The following NR2C2 variants were observed in gnomAD, a reference collection of about 807,000 sequenced individuals.
NR2C2 encodes Nuclear hormone receptor TR4.
Under a neutral mutation model 62.9 loss-of-function variants are expected in NR2C2, and 6 were observed. The observed-to-expected ratio is 0.10, with a 90% CI of 0.05 to 0.19. NR2C2 has a LOEUF of 0.19. Ranked by LOEUF, NR2C2 falls within the 10% of genes least tolerant of loss-of-function variation. NR2C2 has a pLI of 1.00. For missense variants in NR2C2, 479 were observed against 762.7 expected (o/e 0.63, Z 4.38); for synonymous variants, 272 against 273.8 (o/e 0.99, Z 0.07).
chr3:15,020,985 A>G, intron 5 of NR2C2, 53 bp downstream of exon 5: 1 of 1,518,542 alleles, frequency 6.6e-7, no homozygotes, highest in Non-Finnish European at 9.1e-7. Context: ...GAGACAGTAA[A>G]TGAGTCCATT....
intron 1 of NR2C2, among the ~76,000 whole-genome samples, chr3:14,967,558 T>TA (rs980669818): frequency 2.6e-5 from 4 of 151,894 alleles, no homozygotes; most frequent in South Asian, 2.1e-4. Context: ...CATTTTTTTT[T>TA]AAAAAAAGGA....
chr3:15,000,452 A>G (rs745813406), intron 1 of NR2C2, among the ~76,000 whole-genome samples: 1 of 152,214 alleles, frequency 6.6e-6, no homozygotes, highest in African/African-American at 2.4e-5. Context: ...TAACTTGGCT[A>G]TTGCAAACAG....
intron 2 of NR2C2, among the ~76,000 whole-genome samples, chr3:15,009,306 C>CTCA (rs1330149180): frequency 6.6e-6 from 1 of 152,112 alleles, no homozygotes; most frequent in Non-Finnish European, 1.5e-5. Flanking sequence ...AGGATTGCGT[C>CTCA]TCATGAGTTA....
chr3:15,001,491 A>G (rs1398859366), intron 1 of NR2C2, among the ~76,000 whole-genome samples: 1 of 150,996 alleles, frequency 6.6e-6, no homozygotes, highest in Non-Finnish European at 1.5e-5. Context: ...CCGCCATCAT[A>G]CCCGGCTTAT....
intron 1 of NR2C2, among the ~76,000 whole-genome samples, chr3:14,955,095 T>A (rs1264051802): frequency 1.3e-5 from 2 of 152,244 alleles, no homozygotes; most frequent in African/African-American, 2.4e-5. Flanking sequence ...CCTCCTAAAG[T>A]GCTAGGATTA....
At chr3:15,025,016 C>T (rs2041784289) in intron 7 of NR2C2, among the ~76,000 whole-genome samples, 1 of 152,208 alleles carries the variant, frequency 6.6e-6, no homozygotes, top group Admixed American at 6.5e-5. Flanking sequence ...TGGAGAGCTG[C>T]CCTGCATGCC....
rs2230444 is a variant in NR2C2, at chr3:15,039,189, G to A, written c.1578G>A (p.Gln526=). The A allele has an allele frequency of 0.083, 134,097 of 1,613,676 alleles. 6,219 individuals carry two copies. The highest frequency in any genetic ancestry group is 0.094 in the Non-Finnish European group (111,179 of 1,179,654). ...KFQEKAQMEL[Q]DYVQKTYSED... The stretch of plus-strand genomic sequence containing the variant: ...AAGAAAAGGCACAGATGGAGTTGCA[G>A]GACTATGTTCAGAAAACCTACTCAG... The change falls in exon 13 of 14, where the codon CAG becomes CAA. Residue 526 remains glutamine, a synonymous_variant. Coordinates refer to ENST00000425241, the MANE Select transcript of NR2C2 (RefSeq NM_001291694.2).
Position 15,011,114 on chromosome 3 carries a change from C to T in NR2C2, c.73-2475C>T, listed in dbSNP as rs138822206. 2.4e-3 allele frequency among the ~76,000 whole-genome samples: 369 copies of T among 152,262 alleles called. 1 individual carries two copies. The highest frequency in any genetic ancestry group is 8.3e-3 in the African/African-American group (344 of 41,556). Reference sequence around the variant, plus strand: ...CTTTGGGAGGCCAAGGCGGCAGGATCACTTGAGCCCAGGAATTTGAGGTCA... The same window carrying T: ...CTTTGGGAGGCCAAGGCGGCAGGATTACTTGAGCCCAGGAATTTGAGGTCA... On this transcript the variant is annotated intron_variant, in intron 2 of 13. Transcript: ENST00000425241.
chr3:14,974,804 A>G (rs2040154591), intron 1 of NR2C2, among the ~76,000 whole-genome samples: 2 of 152,086 alleles, frequency 1.3e-5, no homozygotes, highest in African/African-American at 4.8e-5. Flanking sequence ...GGGTTTCACC[A>G]TGTTGGCCAG....
chr3:14,960,826 T>C (rs536393798), intron 1 of NR2C2, among the ~76,000 whole-genome samples: 6 of 152,330 alleles, frequency 3.9e-5, no homozygotes, highest in African/African-American at 7.2e-5. Flanking sequence ...CTCTAGACTT[T>C]TACATGCAAT....
chr3:15,019,832 G>T (rs2125014449), intron 4 of NR2C2, among the ~76,000 whole-genome samples: 1 of 152,184 alleles, frequency 6.6e-6, no homozygotes, highest in Non-Finnish European at 1.5e-5. Context: ...AACAAGTTCT[G>T]GTGTTCTATT....
Position 15,047,474 on chromosome 3 carries a change from A to G in NR2C2, c.*4466A>G, listed in dbSNP as rs2042497238. ...GCACCTATTCATGGCCCTACCTGGA[A>G]GGAACTTGGCAGTTGGGTTGAGCCA... On this transcript the variant is annotated 3_prime_UTR_variant, in exon 14 of 14. Transcript: ENST00000425241. 6.6e-6 allele frequency: 1 copy of G among 152,264 alleles called. No individual in the cohort carries two copies. The highest frequency in any genetic ancestry group is 1.5e-5 in the Non-Finnish European group (1 of 68,046). The allele number at this position is 152,264 out of a possible 1,614,324, so 9.4% of individuals were successfully genotyped here.
chr3:14,995,871 C>G (rs1356923392), intron 1 of NR2C2, among the ~76,000 whole-genome samples: 2 of 152,154 alleles, frequency 1.3e-5, no homozygotes, highest in African/African-American at 4.8e-5. Flanking sequence ...ATTGTAGCAT[C>G]CCTAGAGGGT....
At chr3:14,993,843 TAA>T (rs1183597567) in intron 1 of NR2C2, among the ~76,000 whole-genome samples, 1 of 152,124 alleles carries the variant, frequency 6.6e-6, no homozygotes, top group Non-Finnish European at 1.5e-5. Flanking sequence ...AGGGAATAAA[TAA>T]AATTTGCAGA....
At chr3:14,991,749 CTTTTTTTT>C (rs869094168) in intron 1 of NR2C2, among the ~76,000 whole-genome samples, 5 of 132,234 alleles carry the variant, frequency 3.8e-5, no homozygotes, top group African/African-American at 1.4e-4. Flanking sequence ...TCCCTTTTTT[CTTTTTTTT>C]TTTTCTTTTT....
intron 5 of NR2C2, 152 bp from the exon 6 acceptor site, chr3:15,023,048 T>C: frequency 1.2e-6 from 1 of 800,590 alleles, no homozygotes; most frequent in Non-Finnish European, 1.9e-6. Context: ...TTATTCCTTC[T>C]CTCTGGCCGA....
At chr3:14,952,012 C>T (rs1188716003) in intron 1 of NR2C2, among the ~76,000 whole-genome samples, 1 of 152,228 alleles carries the variant, frequency 6.6e-6, no homozygotes, top group Non-Finnish European at 1.5e-5. Context: ...TCCCAAAGTG[C>T]TGGGATTACA....
intron 2 of NR2C2, among the ~76,000 whole-genome samples, chr3:15,006,149 G>A (rs562087799): frequency 6.6e-6 from 1 of 152,272 alleles, no homozygotes; most frequent in African/African-American, 2.4e-5. Context: ...TGAGGCTGCA[G>A]TGAGCTGTGA....
In NR2C2 at chr3:15,016,205, G is replaced by A; in HGVS notation, c.327G>A (p.Gln109=). The change falls in exon 4 of 14, where the codon CAG becomes CAA. Residue 109 remains glutamine, a synonymous_variant. Coordinates refer to ENST00000425241, the MANE Select transcript of NR2C2 (RefSeq NM_001291694.2). Reference sequence around the variant, plus strand: ...GTTTACTGGGGAAGACGGACGTCCAGCGGCCCCAGGTGGTAGAGTACTGTG... The same window carrying A: ...GTTTACTGGGGAAGACGGACGTCCAACGGCCCCAGGTGGTAGAGTACTGTG... The part of the protein sequence containing the change: ...VERLLGKTDV[Q]RPQVVEYCVV... The A allele has an allele frequency of 6.2e-7, 1 of 1,614,134 alleles. No homozygotes were observed. The highest frequency in any genetic ancestry group is 8.5e-7 in the Non-Finnish European group (1 of 1,180,008).
Sources: gnomAD v4.1 joint callset for allele counts (sites outside exome capture counted in the v4.1 genomes callset) on GRCh38, gnomAD v4.1.1 for gene constraint, MANE v1.5 for transcripts, NCBI Gene and HGNC (gene_info 2026-07-23, HGNC 2026-07-21) for gene names.